The following SLC25A21 variants were observed in gnomAD, a reference collection of about 807,000 sequenced individuals.
The protein encoded by SLC25A21 is solute carrier family 25 member 21, also known as mitochondrial 2-oxodicarboxylate carrier.
In SLC25A21, 47 loss-of-function variants were observed where a neutral mutation model predicts 43.8. The observed-to-expected ratio is 1.07, with a 90% CI of 0.85 to 1.37. SLC25A21 has a LOEUF of 1.37. SLC25A21 is among the 40% of genes most tolerant of loss of function. The pLI is 0.00. For synonymous variants in SLC25A21, 131 were observed against 121.3 expected (o/e 1.08, Z -0.52); for missense variants, 352 against 350.2 (o/e 1.00, Z -0.04).
At chr14:36,735,217 A>G (rs1884983188) in intron 3 of SLC25A21, among the ~76,000 whole-genome samples, 1 of 152,224 alleles carries the variant, frequency 6.6e-6, no homozygotes, top group Non-Finnish European at 1.5e-5. Context: ...GGCATGAGCC[A>G]GTTTACTTTG....
intron 1 of SLC25A21, among the ~76,000 whole-genome samples, chr14:36,901,648 A>G (rs1891402213): frequency 6.6e-6 from 1 of 152,182 alleles, no homozygotes; most frequent in East Asian, 1.9e-4. Flanking sequence ...TAAAAGTACC[A>G]GTTAGTGGAA....
chr14:36,716,914 T>G (rs1251396023), intron 6 of SLC25A21, among the ~76,000 whole-genome samples: 2 of 152,160 alleles, frequency 1.3e-5, no homozygotes, highest in Non-Finnish European at 2.9e-5. Context: ...ACGCTCCACA[T>G]GCATTCCTAT....
intron 2 of SLC25A21, among the ~76,000 whole-genome samples, chr14:36,821,935 A>T (rs1372984094): frequency 6.6e-6 from 1 of 152,204 alleles, no homozygotes; most frequent in Non-Finnish European, 1.5e-5. Context: ...TCATGTTCGA[A>T]GGGTGTGGTT....
chr14:36,933,245 G>A (rs1226375840), intron 1 of SLC25A21, among the ~76,000 whole-genome samples: 2 of 152,152 alleles, frequency 1.3e-5, no homozygotes, highest in Non-Finnish European at 2.9e-5. Flanking sequence ...AGTGCAAAGG[G>A]AAGGTGAACA....
intron 3 of SLC25A21, among the ~76,000 whole-genome samples, chr14:36,740,360 T>G (rs1885203771): frequency 6.6e-6 from 1 of 151,932 alleles, no homozygotes; most frequent in Non-Finnish European, 1.5e-5. Flanking sequence ...ACACAGCAAA[T>G]ATGAGGAGGG....
chr14:36,938,071 C>G (rs1892468654), intron 1 of SLC25A21, among the ~76,000 whole-genome samples: 1 of 152,000 alleles, frequency 6.6e-6, no homozygotes, highest in African/African-American at 2.4e-5. Flanking sequence ...TTTGGGTGCT[C>G]AGCAAAATGC....
At chr14:36,858,307 C>T (rs7144374) in intron 2 of SLC25A21, among the ~76,000 whole-genome samples, 2 of 151,910 alleles carry the variant, frequency 1.3e-5, no homozygotes, top group East Asian at 1.9e-4. Context: ...GAAGGTTCTC[C>T]GAAGTGAACC....
At chr14:37,099,862 T>C (rs1962783408) in intron 1 of SLC25A21, among the ~76,000 whole-genome samples, 1 of 152,132 alleles carries the variant, frequency 6.6e-6, no homozygotes, top group Non-Finnish European at 1.5e-5. Context: ...TAGGTGTTAC[T>C]AACTCCAAAC....
intron 2 of SLC25A21, among the ~76,000 whole-genome samples, chr14:36,835,782 G>A (rs2138488475): frequency 6.6e-6 from 1 of 152,230 alleles, no homozygotes; most frequent in East Asian, 1.9e-4. Flanking sequence ...TATGTTCAAG[G>A]ATGGCAAATC....
intron 1 of SLC25A21, among the ~76,000 whole-genome samples, chr14:37,015,588 C>T (rs1167182879): frequency 3.3e-5 from 5 of 151,528 alleles, no homozygotes; most frequent in African/African-American, 1.2e-4. Context: ...AATGGTATTT[C>T]TAGTTCTGGA....
At chr14:36,764,079 A>G (rs11622706) in intron 3 of SLC25A21, among the ~76,000 whole-genome samples, 28 of 41,846 alleles carry the variant, frequency 6.7e-4, no homozygotes, top group East Asian at 2.6e-3. Flanking sequence ...AAAGAAAGAA[A>G]GAAGGAAGGA....
intron 2 of SLC25A21, among the ~76,000 whole-genome samples, chr14:36,816,895 G>A (rs182154061): frequency 7.6e-4 from 116 of 152,032 alleles, no homozygotes; most frequent in Non-Finnish European, 1.4e-3. Context: ...TTGCATATTT[G>A]TAACCTATAT....
chr14:37,059,278 T>C (rs1594773972), intron 1 of SLC25A21, among the ~76,000 whole-genome samples: 2 of 152,186 alleles, frequency 1.3e-5, no homozygotes, highest in Admixed American at 1.3e-4. Context: ...ATCACCATTT[T>C]ACAGATGAAG....
rs33962615 is a variant in SLC25A21, at chr14:37,133,143, GCACA to G, written c.70+39134_70+39137del. On this transcript the variant is annotated intron_variant, in intron 1 of 9. Coordinates refer to ENST00000331299, the MANE Select transcript of SLC25A21 (RefSeq NM_030631.4). ...ACCCCACCTTACTGTGTGCACTCGT[GCACA>G]CACACACACACACACACACACACAC... 7.0e-3 allele frequency among the ~76,000 whole-genome samples: 1,031 copies of G among 148,050 alleles called. 8 individuals are homozygous for G. The highest frequency in any genetic ancestry group is 0.019 in the African/African-American group (752 of 40,350).
chr14:36,694,041 T>A (rs1280892910), intron 7 of SLC25A21, among the ~76,000 whole-genome samples: 3 of 152,182 alleles, frequency 2.0e-5, no homozygotes, highest in Non-Finnish European at 4.4e-5. Flanking sequence ...TAGGTATTTG[T>A]CCTAATGCTA....
At chr14:37,091,612 C>T (rs1197804472) in intron 1 of SLC25A21, among the ~76,000 whole-genome samples, 2 of 152,310 alleles carry the variant, frequency 1.3e-5, no homozygotes, top group East Asian at 3.9e-4. Flanking sequence ...CAGCTGGGAA[C>T]ATGTGCATTA....
At position 36,784,696 on chromosome 14, in the gene SLC25A21, C is replaced by T. The variant is rs116615499; in HGVS notation, c.203+29222G>A. Among the ~76,000 whole-genome samples the T allele has an allele frequency of 4.9e-3, 739 of 152,256 alleles. 2 individuals carry two copies. Among genetic ancestry groups the T allele is most frequent in the African/African-American group, 0.017 (703 of 41,550 alleles). On this transcript the variant is annotated intron_variant, in intron 3 of 9. Coordinates refer to ENST00000331299, the MANE Select transcript of SLC25A21 (RefSeq NM_030631.4). Reference sequence around the variant, plus strand: ...GGAGTAGCTTAAGTAAAAGGCCAAACTGGATTGGTTAGGCTTTGTATCTCT... The same window carrying T: ...GGAGTAGCTTAAGTAAAAGGCCAAATTGGATTGGTTAGGCTTTGTATCTCT...
chr14:37,086,051 G>A (rs886205440), intron 1 of SLC25A21, among the ~76,000 whole-genome samples: 36 of 152,240 alleles, frequency 2.4e-4, no homozygotes, highest in African/African-American at 8.2e-4. Flanking sequence ...CTTGCAGTGA[G>A]CTGAGATCAC....
chr14:36,983,288 T>C (rs1594736835), intron 1 of SLC25A21, among the ~76,000 whole-genome samples: 1 of 152,274 alleles, frequency 6.6e-6, no homozygotes, highest in East Asian at 1.9e-4. Flanking sequence ...ATTCTAAAAT[T>C]AGATATGGGA....
Sources: allele counts gnomAD v4.1 joint callset (sites outside exome capture counted in the v4.1 genomes callset), GRCh38; gene constraint gnomAD v4.1.1; transcripts MANE v1.5; gene names NCBI Gene and HGNC (gene_info 2026-07-23, HGNC 2026-07-21).